Variants in FAM168B observed in about 807,000 individuals in gnomAD.
The protein encoded by FAM168B is myelin-associated neurite-outgrowth inhibitor.
FAM168B carries 19 observed loss-of-function variants against 21.8 expected under a neutral mutation model. That is an observed-to-expected ratio of 0.87 (90% CI 0.61 to 1.28). The LOEUF is 1.28. Ranked by LOEUF, FAM168B falls within the 50% of genes most tolerant of loss-of-function variation. FAM168B has a pLI of 0.00. For missense variants in FAM168B, 233 were observed against 263.1 expected (o/e 0.89, Z 0.79); for synonymous variants, 126 against 104.8 (o/e 1.20, Z -1.24).
intron 1 of FAM168B, among the ~76,000 whole-genome samples, chr2:131,089,701 G>A (rs571664104): frequency 3.5e-5 from 5 of 144,820 alleles, no homozygotes; most frequent in African/African-American, 5.1e-5. Flanking sequence ...CTGGGCAACA[G>A]AGCGAGACTC....
At chr2:131,083,225 G>A (rs973419828) in intron 1 of FAM168B, among the ~76,000 whole-genome samples, 7 of 152,118 alleles carry the variant, frequency 4.6e-5, no homozygotes, top group East Asian at 1.9e-4. Context: ...GTGGTGGCGC[G>A]TGCCTGTAAT....
At chr2:131,085,885 A>C (rs1693670201) in intron 1 of FAM168B, among the ~76,000 whole-genome samples, 1 of 152,224 alleles carries the variant, frequency 6.6e-6, no homozygotes, top group South Asian at 2.1e-4. Context: ...AGTGCTGAGC[A>C]TCTGAAAAGT....
At chr2:131,074,506 C>T (rs183087629) in intron 2 of FAM168B, among the ~76,000 whole-genome samples, 27 of 152,286 alleles carry the variant, frequency 1.8e-4, no homozygotes, top group Admixed American at 1.3e-3. Flanking sequence ...TTCCCACTAG[C>T]TGTGAGAAGC....
intron 2 of FAM168B, 128 bp downstream of exon 2, chr2:131,082,449 T>C: frequency 3.1e-6 from 2 of 639,066 alleles, no homozygotes; most frequent in South Asian, 4.2e-5. Flanking sequence ...GATTTTTCAC[T>C]TCCAGGTATT....
rs13005903 is a variant in FAM168B, at chr2:131,054,871, G to C, written c.475+401C>G. Among the ~76,000 whole-genome samples the C allele has an allele frequency of 2.0e-5, 3 of 152,168 alleles. No individual in the cohort carries two copies. In the East Asian group the frequency reaches 5.8e-4, roughly 29 times the overall value. ...CAACGCAAGACCAGCTCTCCTAGAT[G>C]CATGAAAACATCCCGATGAAGACAA... On this transcript the variant is annotated intron_variant, in intron 5 of 6. Coordinates refer to ENST00000389915, the MANE Select transcript of FAM168B (RefSeq NM_001009993.4).
chr2:131,061,371 C>T (rs1692287517), intron 3 of FAM168B, among the ~76,000 whole-genome samples: 2 of 151,640 alleles, frequency 1.3e-5, no homozygotes, highest in East Asian at 3.9e-4. Flanking sequence ...CAACTGAGAG[C>T]GTGTACGCTA....
In FAM168B at chr2:131,050,151, T is replaced by TA; in HGVS notation, c.*2313dup. Reference sequence around the variant, plus strand: ...CGTGTGGGGGGTGCAGCCCACTCTTTAAAACACCATCCTGTGTGTGCCAAG... The same window carrying TA: ...CGTGTGGGGGGTGCAGCCCACTCTTTAAAAACACCATCCTGTGTGTGCCAAG... On this transcript the variant is annotated 3_prime_UTR_variant, in exon 7 of 7. Transcript: ENST00000389915. The TA allele has an allele frequency of 1.0e-6, 1 of 985,474 alleles. No homozygotes were observed. The highest frequency in any genetic ancestry group is 1.2e-6 in the Non-Finnish European group (1 of 829,938). 61.0% of individuals were successfully genotyped at this position (985,474 alleles called of 1,614,324 possible).
rs937055927 is a variant in FAM168B at position 131,074,190 on chromosome 2, G to A, written c.71-2252C>T. ...TGTTGCCAGGCTGGAGTGCAATGGCGTGATCTCGGCTCACTGCAACCTCTA... is the reference window on the plus strand; with the variant it reads ...TGTTGCCAGGCTGGAGTGCAATGGCATGATCTCGGCTCACTGCAACCTCTA... On this transcript the variant is annotated intron_variant, in intron 2 of 6. Transcript: ENST00000389915. Among the ~76,000 whole-genome samples, 41 of 152,120 alleles carry A rather than the reference G, an allele frequency of 2.7e-4. 1 individual carries two copies. Among genetic ancestry groups the A allele is most frequent in the Admixed American group, 2.4e-3 (37 of 15,268 alleles).
Position 131,082,374 on chromosome 2 carries a change from T to C in FAM168B, c.70+203A>G, listed in dbSNP as rs1337322485. Among the ~76,000 whole-genome samples the C allele has an allele frequency of 2.6e-5, 4 of 152,182 alleles. No homozygotes were observed. The East Asian group carries it at 7.7e-4, about 29-fold the overall frequency. ...AGCTGAGACCAGGAGGTAGAGAAAC[T>C]AGATCCTGGTCCCAACTGCTGGAGC... On this transcript the variant is annotated intron_variant, in intron 2 of 6. Transcript: ENST00000389915.
intron 2 of FAM168B, among the ~76,000 whole-genome samples, chr2:131,072,748 C>T (rs1056619572): frequency 1.3e-5 from 2 of 152,194 alleles, no homozygotes; most frequent in South Asian, 2.1e-4. Flanking sequence ...TAAGCCACCG[C>T]GCCAAGCCTC....
chr2:131,070,802 T>C (rs1692835181), intron 3 of FAM168B, among the ~76,000 whole-genome samples: 2 of 152,124 alleles, frequency 1.3e-5, no homozygotes, highest in South Asian at 4.2e-4. Context: ...AAAACCACTC[T>C]AAAGGGAAAA....
intron 1 of FAM168B, among the ~76,000 whole-genome samples, chr2:131,088,354 C>T (rs540168636): frequency 6.6e-6 from 1 of 151,838 alleles, no homozygotes; most frequent in Admixed American, 6.6e-5. Context: ...TCAGACAAAC[C>T]CCAAAAGTGG....
chr2:131,048,980 A>C lies in FAM168B; in HGVS notation c.*3485T>G, dbSNP rs1022665569. The C allele has an allele frequency of 1.1e-5, 11 of 985,550 alleles. No homozygotes were observed. In the East Asian group the frequency reaches 1.1e-3, roughly 102 times the overall value. The allele number at this position is 985,550 out of a possible 1,614,324, so 61.1% of individuals were successfully genotyped here. ...AACTGCTCAGAGTAACACTGTTCTC[A>C]AATGTTTAAAAAGGACAGGTGAAGT... On this transcript the variant is annotated 3_prime_UTR_variant, in exon 7 of 7. Coordinates refer to ENST00000389915, the MANE Select transcript of FAM168B (RefSeq NM_001009993.4).
chr2:131,076,441 C>T (rs1357626487), intron 2 of FAM168B, among the ~76,000 whole-genome samples: 2 of 151,872 alleles, frequency 1.3e-5, no homozygotes, highest in Non-Finnish European at 2.9e-5. Context: ...GCAGGTGGAT[C>T]ACGAGGTCAG....
rs1691703653 is a variant in FAM168B, at chr2:131,051,939, T to A, written c.*526A>T. On this transcript the variant is annotated 3_prime_UTR_variant, in exon 7 of 7. Transcript: ENST00000389915. ...AAACTAAAATGTCCACATCCCTAAC[T>A]GGCAACCCACATCAACCCCAAAAGG... 1 of 985,388 alleles carries A rather than the reference T, an allele frequency of 1.0e-6. No homozygotes were observed. The highest frequency in any genetic ancestry group is 1.2e-6 in the Non-Finnish European group (1 of 829,946). 61.0% of individuals were successfully genotyped at this position (985,388 alleles called of 1,614,324 possible).
At chr2:131,071,062 A>C (rs1692847170) in intron 3 of FAM168B, among the ~76,000 whole-genome samples, 1 of 152,218 alleles carries the variant, frequency 6.6e-6, no homozygotes, top group South Asian at 2.1e-4. Context: ...GTGGAAATGG[A>C]AACGAAGAGA....
chr2:131,084,578 T>C lies in FAM168B; in HGVS notation c.-11-1921A>G, dbSNP rs1693588911. 4.6e-5 allele frequency among the ~76,000 whole-genome samples: 7 copies of C among 152,168 alleles called. No individual in the cohort carries two copies. In the South Asian group the frequency reaches 1.5e-3, roughly 32 times the overall value. The stretch of plus-strand genomic sequence containing the variant: ...AACTGGTTACAGCCCAGCACCTCTA[T>C]GAATCCATTCAATGTTTTATCATCC... On this transcript the variant is annotated intron_variant, in intron 1 of 6. Transcript: ENST00000389915.
intron 3 of FAM168B, among the ~76,000 whole-genome samples, chr2:131,069,589 G>A (rs945281275): frequency 1.3e-5 from 2 of 151,986 alleles, no homozygotes; most frequent in Non-Finnish European, 2.9e-5. Context: ...CGCCTTCCAG[G>A]TTCTGGCCAT....
chr2:131,061,800 G>C (rs1462275247), intron 3 of FAM168B, among the ~76,000 whole-genome samples: 2 of 150,906 alleles, frequency 1.3e-5, no homozygotes. Flanking sequence ...AAAAAAAGAA[G>C]AAGAAGATGA....
Sources: allele counts gnomAD v4.1 joint callset (sites outside exome capture counted in the v4.1 genomes callset), GRCh38; gene constraint gnomAD v4.1.1; transcripts MANE v1.5; gene names NCBI Gene and HGNC (gene_info 2026-07-23, HGNC 2026-07-21).